Variants in CD9 observed in about 807,000 individuals in gnomAD.
CD9 encodes CD9 antigen.
Under a neutral mutation model 31.4 loss-of-function variants are expected in CD9, and 10 were observed. The observed-to-expected ratio is 0.32, with a 90% CI of 0.20 to 0.54. CD9 has a LOEUF of 0.54. Ranked by LOEUF, CD9 falls within the 20% of genes least tolerant of loss-of-function variation. CD9 has a pLI of 0.94. For missense variants in CD9, 259 were observed against 300.1 expected, an observed-to-expected ratio of 0.86 and a Z score of 1.01; for synonymous variants, 113 against 114.1, an observed-to-expected ratio of 0.99 and a Z score of 0.06.
chr12:6,214,244 C>T (rs1177490669), intron 1 of CD9, among the ~76,000 whole-genome samples: 3 of 150,504 alleles, frequency 2.0e-5, no homozygotes, highest in Non-Finnish European at 3.0e-5. Context: ...TGTAATGTGT[C>T]GGGGGCGTGG....
intron 1 of CD9, among the ~76,000 whole-genome samples, chr12:6,214,750 C>T (rs999120357): frequency 2.2e-4 from 34 of 152,082 alleles, no homozygotes; most frequent in African/African-American, 7.5e-4. Context: ...GGAGCACAGC[C>T]GGCTGCAGAA....
chr12:6,231,794 C>T (rs535768459), intron 2 of CD9, among the ~76,000 whole-genome samples: 9 of 152,334 alleles, frequency 5.9e-5, no homozygotes, highest in Non-Finnish European at 1.2e-4. Context: ...CCTCTTCACC[C>T]TTAACCTGCA....
chr12:6,226,605 T>C (rs1946369661), intron 2 of CD9, among the ~76,000 whole-genome samples: 1 of 152,124 alleles, frequency 6.6e-6, no homozygotes, highest in South Asian at 2.1e-4. Context: ...TAAAAACAGC[T>C]CCTTTGGTTG....
intron 1 of CD9, among the ~76,000 whole-genome samples, chr12:6,221,981 G>A (rs978775938): frequency 2.0e-5 from 3 of 152,148 alleles, no homozygotes; most frequent in Non-Finnish European, 4.4e-5. Flanking sequence ...GGTGACGAGA[G>A]CAAGACCCTG....
At chr12:6,236,434 A>G in intron 7 of CD9, 159 bp downstream of exon 7, 1 of 657,778 alleles carries the variant, frequency 1.5e-6, no homozygotes, top group Non-Finnish European at 2.7e-6. Context: ...GGAGAGACAG[A>G]GAGGCCGATG....
At chr12:6,229,551 C>T (rs1212373303) in intron 2 of CD9, among the ~76,000 whole-genome samples, 3 of 152,170 alleles carry the variant, frequency 2.0e-5, no homozygotes, top group Non-Finnish European at 4.4e-5. Flanking sequence ...CCAGTCGGGG[C>T]AGAGGTAGGG....
At chr12:6,236,618 C>T (rs3181301) in intron 7 of CD9, 1 of 421,124 alleles carries the variant, frequency 2.4e-6, no homozygotes, top group Non-Finnish European at 4.2e-6. Flanking sequence ...CTAAGAAAGT[C>T]GTTCACTAGA....
chr12:6,223,756 C>T (rs560692903), intron 1 of CD9, among the ~76,000 whole-genome samples: 22 of 152,270 alleles, frequency 1.4e-4, no homozygotes, highest in East Asian at 5.8e-4. Flanking sequence ...TGCTCTTGGT[C>T]GGGGAACCCA....
chr12:6,215,837 C>T (rs1479722962), intron 1 of CD9, among the ~76,000 whole-genome samples: 2 of 152,188 alleles, frequency 1.3e-5, no homozygotes, highest in Non-Finnish European at 2.9e-5. Context: ...TTAGTTGGGA[C>T]GCTTAAGGAG....
intron 2 of CD9, 49 bp downstream of exon 2, chr12:6,225,583 G>T (rs776870918): frequency 7.9e-7 from 1 of 1,273,584 alleles, no homozygotes; most frequent in South Asian, 1.2e-5. Context: ...CTCCAACAAA[G>T]TTCCTGCAAC....
chr12:6,212,394 T>C (rs1453684749), intron 1 of CD9, among the ~76,000 whole-genome samples: 2 of 152,206 alleles, frequency 1.3e-5, no homozygotes, highest in Non-Finnish European at 2.9e-5. Context: ...CTCTCATGCA[T>C]TGCATTACTG....
intron 4 of CD9, among the ~76,000 whole-genome samples, chr12:6,234,035 A>G (rs183050178): frequency 7.3e-4 from 109 of 150,246 alleles, no homozygotes; most frequent in Non-Finnish European, 9.5e-4. Flanking sequence ...CCAAAGTACT[A>G]TGGGATTTGA....
At chr12:6,220,089 G>A (rs974400096) in intron 1 of CD9, among the ~76,000 whole-genome samples, 4 of 152,214 alleles carry the variant, frequency 2.6e-5, no homozygotes, top group African/African-American at 4.8e-5. Flanking sequence ...AGAGTGTGGA[G>A]CATGGATGCT....
At chr12:6,218,747 T>C (rs1946265238) in intron 1 of CD9, among the ~76,000 whole-genome samples, 1 of 152,204 alleles carries the variant, frequency 6.6e-6, no homozygotes, top group African/African-American at 2.4e-5. Flanking sequence ...AATTCTCATC[T>C]TTGCGTGGGA....
intron 1 of CD9, among the ~76,000 whole-genome samples, chr12:6,217,811 A>G (rs981084115): frequency 5.3e-5 from 8 of 152,330 alleles, no homozygotes; most frequent in Middle Eastern, 3.4e-3. Flanking sequence ...AGTGGTAGAT[A>G]TGGCCACCTC....
chr12:6,201,844 C>G (rs1336339687), intron 1 of CD9, among the ~76,000 whole-genome samples: 1 of 152,122 alleles, frequency 6.6e-6, no homozygotes, highest in Non-Finnish European at 1.5e-5. Flanking sequence ...CAAGACCAGC[C>G]TGGGTAACAT....
intron 1 of CD9, among the ~76,000 whole-genome samples, chr12:6,210,472 C>T (rs1051308900): frequency 6.6e-6 from 1 of 152,126 alleles, no homozygotes; most frequent in Admixed American, 6.5e-5. Flanking sequence ...AGACTCTCTT[C>T]GAGCACCCAC....
rs148757976 is a variant in CD9 at position 6,207,596 on chromosome 12, C to G, written c.66+7031C>G. Among the ~76,000 whole-genome samples the G allele has an allele frequency of 9.8e-5, 15 of 152,350 alleles. No homozygotes were observed. The East Asian group carries it at 2.9e-3, about 29-fold the overall frequency. On this transcript the variant is annotated intron_variant, in intron 1 of 7. Transcript: ENST00000009180. ...GTTCAGGAAGAAAGGAGGTCTGTCT[C>G]TCTTCTCCTTCCCTCCAAATGCAGA...
chr12:6,229,724 G>C (rs11064097), intron 2 of CD9, among the ~76,000 whole-genome samples: 5,870 of 152,134 alleles, frequency 0.039, 335 homozygotes, highest in African/African-American at 0.13. Context: ...CTCTCCCTGG[G>C]CTAAACTGAG....
Sources: gnomAD v4.1 joint callset for allele counts (sites outside exome capture counted in the v4.1 genomes callset) on GRCh38, gnomAD v4.1.1 for gene constraint, MANE v1.5 for transcripts, NCBI Gene and HGNC (gene_info 2026-07-23, HGNC 2026-07-21) for gene names.